Variants in NFYC observed in about 807,000 individuals in gnomAD.
NFYC encodes CAAT box DNA-binding protein subunit C.
Under a neutral mutation model 53.1 loss-of-function variants are expected in NFYC, and 25 were observed. The ratio of observed to expected loss-of-function variants is 0.47; its 90% CI spans 0.34 to 0.66. The LOEUF (loss-of-function observed/expected upper bound fraction) is 0.66. NFYC is among the 30% of genes least tolerant of loss of function. The pLI, the probability that NFYC is intolerant of heterozygous loss-of-function variation, is 0.01. For missense variants in NFYC, 260 were observed against 422.7 expected (o/e 0.62, Z 3.38); for synonymous variants, 145 against 152.6 (o/e 0.95, Z 0.37).
chr1:40,705,958 C>T (rs1172894540), intron 1 of NFYC, among the ~76,000 whole-genome samples: 1 of 152,186 alleles, frequency 6.6e-6, no homozygotes, highest in African/African-American at 2.4e-5. Context: ...GTTACCCAGG[C>T]TGGTCTCAAA....
chr1:40,737,434 T>G (rs1017257014), intron 1 of NFYC, among the ~76,000 whole-genome samples: 1 of 151,548 alleles, frequency 6.6e-6, no homozygotes, highest in African/African-American at 2.4e-5. Context: ...GTTCAAGCGA[T>G]TCTCCTGCCT....
At position 40,738,742 on chromosome 1, in the gene NFYC, C is replaced by T. The variant is rs899674669; in HGVS notation, c.-8-94C>T. ...ATCAAACTGAAAGATTGAATAGATTCATAAAAACATCCACAAATATACAAA... is the reference window on the plus strand; with the variant it reads ...ATCAAACTGAAAGATTGAATAGATTTATAAAAACATCCACAAATATACAAA... On this transcript the variant is annotated intron_variant, in intron 1 of 9. Transcript: ENST00000447388. The T allele has an allele frequency of 7.2e-6, 6 of 838,726 alleles. No individual in the cohort carries two copies. The African/African-American group carries it at 1.0e-4, about 14-fold the overall frequency. The allele number at this position is 838,726 out of a possible 1,614,324, so 52.0% of individuals were successfully genotyped here.
chr1:40,692,618 G>C (rs1001737248), intron 1 of NFYC, among the ~76,000 whole-genome samples: 3 of 152,160 alleles, frequency 2.0e-5, no homozygotes, highest in African/African-American at 7.2e-5. Context: ...CTGAACGGTA[G>C]AATCGGATCA....
At position 40,737,333 on chromosome 1, in the gene NFYC, C is replaced by CTTT. The variant is rs112649877; in HGVS notation, c.-8-1492_-8-1490dup. On this transcript the variant is annotated intron_variant, in intron 1 of 9. Coordinates refer to ENST00000447388, the MANE Select transcript of NFYC (RefSeq NM_014223.5). ...TTTCTCTATCCTAATTTTAATTCTA[C>CTTT]TTTTTTTTTTTTTGCGATGGAGTCT... Among the ~76,000 whole-genome samples the CTTT allele has an allele frequency of 1.1e-3, 150 of 142,704 alleles. 1 individual carries two copies. The highest frequency in any genetic ancestry group is 3.7e-3 in the African/African-American group (141 of 38,482). 93.6% of individuals were successfully genotyped at this position (142,704 alleles called of 152,430 possible).
chr1:40,699,505 C>G lies in NFYC; in HGVS notation c.-9+7638C>G, dbSNP rs937122690. ...ACTGTTTTAAAAATTATTACTGTAC[C>G]CTGAAAGTAAGTAGCATAGAATTTG... On this transcript the variant is annotated intron_variant, in intron 1 of 9. Coordinates refer to ENST00000447388, the MANE Select transcript of NFYC (RefSeq NM_014223.5). 3.3e-5 allele frequency among the ~76,000 whole-genome samples: 5 copies of G among 152,016 alleles called. No homozygotes were observed. The East Asian group carries it at 9.6e-4, about 29-fold the overall frequency.
intron 9 of NFYC, 116 bp downstream of exon 9, chr1:40,769,531 G>A: frequency 1.2e-6 from 1 of 830,052 alleles, no homozygotes. Flanking sequence ...ACAGTGAGTG[G>A]ACAGAAATTG....
chr1:40,710,951 T>G (rs1181151679), intron 1 of NFYC, among the ~76,000 whole-genome samples: 1 of 152,204 alleles, frequency 6.6e-6, no homozygotes, highest in Non-Finnish European at 1.5e-5. Context: ...CTTCTGATAT[T>G]CAAGTCGAGT....
intron 1 of NFYC, among the ~76,000 whole-genome samples, chr1:40,722,623 C>T (rs1644367003): frequency 6.6e-6 from 1 of 152,158 alleles, no homozygotes; most frequent in South Asian, 2.1e-4. Context: ...TTGTATGAAG[C>T]TTGCTATTTT....
At chr1:40,739,475 C>T (rs1340244683) in intron 2 of NFYC, among the ~76,000 whole-genome samples, 1 of 152,172 alleles carries the variant, frequency 6.6e-6, no homozygotes, top group Non-Finnish European at 1.5e-5. Context: ...CCGTCTTATG[C>T]ATAACAGCAT....
chr1:40,756,330 G>A (rs1646218367), intron 5 of NFYC, among the ~76,000 whole-genome samples: 1 of 152,194 alleles, frequency 6.6e-6, no homozygotes, highest in Non-Finnish European at 1.5e-5. Context: ...GAAAATAAAA[G>A]GGAATCTCCT....
Position 40,770,328 on chromosome 1 carries a change from C to A in NFYC, c.889-381C>A. 7.0e-7 allele frequency: 1 copy of A among 1,434,714 alleles called. No individual in the cohort carries two copies. Among genetic ancestry groups the A allele is most frequent in the South Asian group, 1.4e-5 (1 of 72,740 alleles). 88.9% of individuals were successfully genotyped at this position (1,434,714 alleles called of 1,614,324 possible). ...TACTGCCCCTGCCAGTGTAGATTACCAAGAGTTGGGGAAATGCTGACTTCC... is the reference window on the plus strand; with the variant it reads ...TACTGCCCCTGCCAGTGTAGATTACAAAGAGTTGGGGAAATGCTGACTTCC... On this transcript the variant is annotated intron_variant, in intron 9 of 9. Transcript: ENST00000447388. This position sits in a 1 kb window ranked among gnomAD's most constrained non-coding sequence, Gnocchi z 5.3.
At chr1:40,706,912 G>A (rs1180403844) in intron 1 of NFYC, among the ~76,000 whole-genome samples, 1 of 152,178 alleles carries the variant, frequency 6.6e-6, no homozygotes, top group Non-Finnish European at 1.5e-5. Context: ...GCTCATGCCT[G>A]TAATCCCAGC....
chr1:40,735,256 G>A (rs1028817619), intron 1 of NFYC: 3 of 149,574 alleles, frequency 2.0e-5, no homozygotes, highest in Admixed American at 6.7e-5. Context: ...TGTATTTTTC[G>A]CTTTACCTAT....
In NFYC at chr1:40,738,897, C is replaced by T. The variant is rs1057925; in HGVS notation, c.54C>T (p.Ser18=). ...GGTSSSDAQQ[S]LQSFWPRVME... ...CTAGCAGCAGTGATGCCCAGCAAAGCCTACAGTCGTTCTGGCCTCGGGTCA... is the reference window on the plus strand; with the variant it reads ...CTAGCAGCAGTGATGCCCAGCAAAGTCTACAGTCGTTCTGGCCTCGGGTCA... The change falls in exon 2 of 10, where the codon AGC becomes AGT. Residue 18 remains serine, a synonymous_variant. Transcript: ENST00000447388. 905,499 of 1,612,908 alleles carry T rather than the reference C, an allele frequency of 0.56. 256,777 individuals are homozygous for T. Among genetic ancestry groups the T allele is most frequent in the Non-Finnish European group, 0.59 (692,145 of 1,179,182 alleles).
intron 1 of NFYC, among the ~76,000 whole-genome samples, chr1:40,715,524 G>C (rs1644102992): frequency 6.6e-6 from 1 of 151,828 alleles, no homozygotes; most frequent in Non-Finnish European, 1.5e-5. Flanking sequence ...ATTTACAGGT[G>C]TGAGCATCTG....
chr1:40,730,574 T>G (rs1278404523), intron 1 of NFYC: 1 of 985,206 alleles, frequency 1.0e-6, no homozygotes, highest in Non-Finnish European at 1.2e-6. Context: ...GAAGATATGA[T>G]CAAAATGCAA....
At chr1:40,694,231 A>G (rs183879413) in intron 1 of NFYC, among the ~76,000 whole-genome samples, 1 of 152,230 alleles carries the variant, frequency 6.6e-6, no homozygotes, top group Admixed American at 6.5e-5. Flanking sequence ...GACCTATTCA[A>G]AGGCCTAGTG....
At chr1:40,737,826 AATC>A (rs1456118294) in intron 1 of NFYC, among the ~76,000 whole-genome samples, 5 of 152,116 alleles carry the variant, frequency 3.3e-5, no homozygotes, top group African/African-American at 1.2e-4. Flanking sequence ...TAGAAGGAAT[AATC>A]ATCATCAGGA....
Position 40,694,715 on chromosome 1 carries a change from A to G in NFYC, c.-9+2848A>G, listed in dbSNP as rs111691567. On this transcript the variant is annotated intron_variant, in intron 1 of 9. Coordinates refer to ENST00000447388, the MANE Select transcript of NFYC (RefSeq NM_014223.5). ...CAACATTGGTGACCACCTTCATTCC[A>G]TGTTAGCCCCTTATACCCATGGCCA... 9.2e-5 allele frequency among the ~76,000 whole-genome samples: 14 copies of G among 151,626 alleles called. 2 individuals carry two copies. The highest frequency in any genetic ancestry group is 3.4e-4 in the African/African-American group (14 of 41,274).
Sources: allele counts gnomAD v4.1 joint callset (sites outside exome capture counted in the v4.1 genomes callset), GRCh38; gene constraint gnomAD v4.1.1; non-coding constraint Gnocchi (gnomAD v3.1); transcripts MANE v1.5; gene names NCBI Gene and HGNC (gene_info 2026-07-23, HGNC 2026-07-21).